Variants in GUCY1B1 observed in about 807,000 individuals in gnomAD.
The protein encoded by GUCY1B1 is guanylate cyclase soluble subunit beta-1.
Under a neutral mutation model 71.0 loss-of-function variants are expected in GUCY1B1, and 43 were observed. That is an observed-to-expected ratio of 0.61 (90% CI 0.47 to 0.78). GUCY1B1 has a LOEUF of 0.78. GUCY1B1 is among the 30% of genes least tolerant of loss of function. The probability of loss-of-function intolerance (pLI) is 0.00; values close to 1 mark genes in which losing one functional copy is unlikely to be tolerated. For missense variants in GUCY1B1, 535 were observed against 754.1 expected (o/e 0.71, Z 3.40); for synonymous variants, 266 against 259.7 (o/e 1.02, Z -0.23).
At chr4:155,791,714 G>A (rs1413231137) in intron 5 of GUCY1B1, among the ~76,000 whole-genome samples, 1 of 143,934 alleles carries the variant, frequency 6.9e-6, no homozygotes, top group African/African-American at 2.6e-5. Flanking sequence ...CTGGTTGACA[G>A]GGTGAGACTC....
chr4:155,774,299 A>G (rs1365937040), intron 2 of GUCY1B1, among the ~76,000 whole-genome samples: 1 of 152,036 alleles, frequency 6.6e-6, no homozygotes, highest in Non-Finnish European at 1.5e-5. Context: ...CACCCCAGGC[A>G]TGCTCCTGCC....
intron 8 of GUCY1B1, among the ~76,000 whole-genome samples, chr4:155,799,512 A>G (rs932677531): frequency 2.6e-5 from 4 of 152,224 alleles, no homozygotes; most frequent in African/African-American, 4.8e-5. Flanking sequence ...GAGAGAATAA[A>G]GATAGATTTT....
intron 3 of GUCY1B1, 35 bp from the exon 4 acceptor site, chr4:155,777,489 T>G: frequency 9.8e-7 from 1 of 1,024,358 alleles, no homozygotes; most frequent in South Asian, 1.3e-5. Flanking sequence ...TCACCTATTA[T>G]ATGCTTTTTT....
intron 4 of GUCY1B1, among the ~76,000 whole-genome samples, chr4:155,778,842 T>A (rs1738229049): frequency 6.6e-6 from 1 of 152,244 alleles, no homozygotes. Flanking sequence ...TTTCACTTTT[T>A]AGTACTTTTG....
chr4:155,774,075 A>G (rs1737872483), intron 2 of GUCY1B1, among the ~76,000 whole-genome samples: 1 of 152,178 alleles, frequency 6.6e-6, no homozygotes, highest in Non-Finnish European at 1.5e-5. Context: ...TTTTCAATGC[A>G]GTAGCCAGGT....
intron 2 of GUCY1B1, among the ~76,000 whole-genome samples, chr4:155,767,435 G>C (rs928676366): frequency 6.6e-6 from 1 of 152,046 alleles, no homozygotes; most frequent in Non-Finnish European, 1.5e-5. Flanking sequence ...TTACCATTAA[G>C]GGTCTCTTGT....
intron 2 of GUCY1B1, among the ~76,000 whole-genome samples, chr4:155,774,305 C>T (rs1038874816): frequency 4.6e-5 from 7 of 152,160 alleles, no homozygotes; most frequent in African/African-American, 1.7e-4. Context: ...AGGCATGCTC[C>T]TGCCTTGCCC....
At chr4:155,797,742 A>AAT (rs971355950) in intron 8 of GUCY1B1, among the ~76,000 whole-genome samples, 3 of 148,978 alleles carry the variant, frequency 2.0e-5, no homozygotes, top group African/African-American at 7.3e-5. Flanking sequence ...TCAAAATAAT[A>AAT]ATAATAATAA....
chr4:155,785,165 A>T (rs1335044279), intron 4 of GUCY1B1: 1 of 528,188 alleles, frequency 1.9e-6, no homozygotes, highest in African/African-American at 2.0e-5. Context: ...TAAGAAATGA[A>T]ATTATTAAAT....
intron 4 of GUCY1B1, among the ~76,000 whole-genome samples, chr4:155,780,220 T>A (rs1738318167): frequency 1.3e-5 from 2 of 152,132 alleles, no homozygotes. Context: ...CCTCTCCCTC[T>A]CCCCCAGTCC....
chr4:155,764,541 G>A (rs908081694), intron 2 of GUCY1B1, among the ~76,000 whole-genome samples: 9 of 152,100 alleles, frequency 5.9e-5, no homozygotes, highest in Non-Finnish European at 1.3e-4. Flanking sequence ...AACTAATGTA[G>A]TATACATACA....
At chr4:155,797,445 T>G (rs150615837) in intron 8 of GUCY1B1, among the ~76,000 whole-genome samples, 136 of 152,080 alleles carry the variant, frequency 8.9e-4, no homozygotes, top group African/African-American at 3.2e-3. Context: ...TAAGGCCAAA[T>G]AAGAATAATA....
chr4:155,797,521 C>T (rs575396386), intron 8 of GUCY1B1, among the ~76,000 whole-genome samples: 4 of 151,792 alleles, frequency 2.6e-5, no homozygotes, highest in Non-Finnish European at 4.4e-5. Flanking sequence ...GGGTGGATCA[C>T]AAGGTCAGGA....
chr4:155,775,044 G>C lies in GUCY1B1; in HGVS notation c.154G>C (p.Val52Leu). ...TGATGACTCCAAAACTTATGATTTG[G>C]TTGCTGCTGCAAGCAAAGTCCTCAG... ...IYDDSKTYDLVAAASKVLNLN... is the reference protein window; with the variant it reads ...IYDDSKTYDLLAAASKVLNLN... Residue 52 changes from valine (V) to leucine (L), a missense_variant, in exon 3 of 14, where the codon GTT becomes CTT. Val to Leu is a conservative substitution (Grantham distance 32, BLOSUM62 1). Coordinates refer to ENST00000264424, the MANE Select transcript of GUCY1B1 (RefSeq NM_000857.5). 1 of 1,595,380 alleles carries C rather than the reference G, an allele frequency of 6.3e-7. No homozygotes were observed. Among genetic ancestry groups the C allele is most frequent in the Non-Finnish European group, 8.6e-7 (1 of 1,163,514 alleles).
intron 3 of GUCY1B1, 36 bp from the exon 4 acceptor site, chr4:155,777,488 A>T (rs771309851): frequency 9.8e-7 from 1 of 1,016,192 alleles, no homozygotes; most frequent in Non-Finnish European, 1.6e-6. Context: ...TTCACCTATT[A>T]TATGCTTTTT....
rs1739479228 is a variant in GUCY1B1, at chr4:155,795,420, T to A, written c.806T>A (p.Leu269His). The stretch of plus-strand genomic sequence containing the variant: ...ATTGATATTAGTTTCCATGGGATCC[T>A]TTCTCACATCAATACTGTTTTTGTA... ...PHIDISFHGI[L>H]SHINTVFVLR... Residue 269 changes from leucine to histidine, a missense_variant, in exon 7 of 14, where the codon CTT becomes CAT. Physicochemically the swap from Leu to His is moderately conservative, Grantham distance 99. Coordinates refer to ENST00000264424, the MANE Select transcript of GUCY1B1 (RefSeq NM_000857.5). 1 of 1,589,058 alleles carries A rather than the reference T, an allele frequency of 6.3e-7. No homozygotes were observed. Among genetic ancestry groups the A allele is most frequent in the Non-Finnish European group, 8.6e-7 (1 of 1,157,660 alleles).
At position 155,802,684 on chromosome 4, in the gene GUCY1B1, C is replaced by T; in HGVS notation, c.1413+105C>T. ...CAGCTCTCTGACTCCAGCACTGCAG[C>T]CTTGAGTACAGTGAGCCTCCATGTA... On this transcript the variant is annotated intron_variant, in intron 10 of 13. Transcript: ENST00000264424. This position sits in a 1 kb window ranked among gnomAD's most constrained non-coding sequence, Gnocchi z 4.3. The T allele has an allele frequency of 1.1e-6, 1 of 934,712 alleles. No individual in the cohort carries two copies. The highest frequency in any genetic ancestry group is 1.8e-5 in the South Asian group (1 of 56,724). The allele number at this position is 934,712 out of a possible 1,614,324, so 57.9% of individuals were successfully genotyped here. A position where few individuals can be genotyped will look rare whatever the true frequency, so the allele number is the denominator to read the frequency against.
chr4:155,793,429 T>C (rs1579241115), intron 5 of GUCY1B1, among the ~76,000 whole-genome samples: 1 of 152,332 alleles, frequency 6.6e-6, no homozygotes, highest in South Asian at 2.1e-4. Flanking sequence ...TGACATTGCA[T>C]TTATTTTTGA....
At chr4:155,801,192 A>G (rs1026010331) in intron 9 of GUCY1B1, among the ~76,000 whole-genome samples, 1 of 152,176 alleles carries the variant, frequency 6.6e-6, no homozygotes, top group Non-Finnish European at 1.5e-5. Context: ...CCTTGTCTTT[A>G]ATACGAGTAG....
Sources: allele counts gnomAD v4.1 joint callset (sites outside exome capture counted in the v4.1 genomes callset), GRCh38; gene constraint gnomAD v4.1.1; non-coding constraint Gnocchi (gnomAD v3.1); transcripts MANE v1.5; gene names NCBI Gene and HGNC (gene_info 2026-07-23, HGNC 2026-07-21).